TDRD1: variants seen among roughly 807,000 people sequenced by gnomAD.
The protein encoded by TDRD1 is tudor domain containing 1.
TDRD1 carries 37 observed loss-of-function variants against 140.6 expected under a neutral mutation model. The observed-to-expected ratio is 0.26, with a 90% CI of 0.20 to 0.35. The LOEUF is 0.35. Ranked by LOEUF, TDRD1 falls within the 10% of genes least tolerant of loss-of-function variation. TDRD1 has a pLI of 1.00. For missense variants in TDRD1, 1,243 were observed against 1,393.0 expected (o/e 0.89, Z 1.71); for synonymous variants, 506 against 475.7 (o/e 1.06, Z -0.83).
At chr10:114,196,833 CTTTTTTT>C (rs36124319) in intron 3 of TDRD1, among the ~76,000 whole-genome samples, 1,765 of 48,096 alleles carry the variant, frequency 0.037, 7 homozygotes, top group South Asian at 0.069. Flanking sequence ...TTCTAGCAGT[CTTTTTTT>C]TTTTTTTTTT....
chr10:114,184,639 T>C (rs1395036447), intron 1 of TDRD1, among the ~76,000 whole-genome samples: 1 of 152,240 alleles, frequency 6.6e-6, no homozygotes, highest in African/African-American at 2.4e-5. Context: ...TTGAGTCTGC[T>C]ACAGTTTCTG....
chr10:114,207,326 G>T (rs1450129942), intron 11 of TDRD1, among the ~76,000 whole-genome samples: 1 of 152,116 alleles, frequency 6.6e-6, no homozygotes, highest in Non-Finnish European at 1.5e-5. Context: ...CCCATCCTTT[G>T]CCCTAATTGG....
At chr10:114,230,231 A>C (rs1226057525) in intron 25 of TDRD1, among the ~76,000 whole-genome samples, 1 of 152,220 alleles carries the variant, frequency 6.6e-6, no homozygotes, top group Non-Finnish European at 1.5e-5. Flanking sequence ...CTTACACATA[A>C]AACTTAAAGT....
chr10:114,177,518 G>A (rs900468131), upstream of TDRD1, among the ~76,000 whole-genome samples: 3 of 152,168 alleles, frequency 2.0e-5, no homozygotes, highest in African/African-American at 7.2e-5. Context: ...AAAGGCCTGA[G>A]AGTACTCCTG....
chr10:114,221,931 A>G (rs545143705), intron 20 of TDRD1, among the ~76,000 whole-genome samples: 7 of 152,336 alleles, frequency 4.6e-5, no homozygotes, highest in Non-Finnish European at 8.8e-5. Flanking sequence ...TTGTTGTTTC[A>G]TGGAAGTTGC....
exon 2 of TDRD1, chr10:114,187,946 G>A (rs2033662602): frequency 1.2e-6 from 2 of 1,613,970 alleles, no homozygotes; most frequent in Non-Finnish European, 8.5e-7. Context: ...TCCACCACAT[G>A]AGTCTTTAAG....
intron 1 of TDRD1, 108 bp from the exon 2 acceptor site, chr10:114,187,718 T>C (rs774089520): frequency 1.8e-5 from 18 of 1,024,262 alleles, no homozygotes; most frequent in Non-Finnish European, 2.4e-5. Flanking sequence ...AATTGTTTTA[T>C]AGGCATTATC....
chr10:114,182,761 C>CT (rs2033185419), intron 1 of TDRD1, among the ~76,000 whole-genome samples: 1 of 151,688 alleles, frequency 6.6e-6, no homozygotes, highest in African/African-American at 2.4e-5. Flanking sequence ...TCTCAGCTCA[C>CT]TGCAAGCTCG....
At chr10:114,227,854 G>C in intron 23 of TDRD1, 56 bp from the exon 24 acceptor site, 1 of 1,467,760 alleles carries the variant, frequency 6.8e-7, no homozygotes, top group Non-Finnish European at 9.5e-7. Flanking sequence ...ACACTCCCAA[G>C]TTTTTCTTCT....
At chr10:114,221,867 T>G (rs778011555) in intron 20 of TDRD1, among the ~76,000 whole-genome samples, 2 of 152,232 alleles carry the variant, frequency 1.3e-5, no homozygotes, top group African/African-American at 2.4e-5. Context: ...TGTTTCACAC[T>G]AGAACGAATC....
chr10:114,202,776 T>C (rs931894814), intron 6 of TDRD1, among the ~76,000 whole-genome samples: 2 of 152,234 alleles, frequency 1.3e-5, no homozygotes, highest in African/African-American at 4.8e-5. Context: ...ACAGAAAACA[T>C]TAACAAGTGC....
chr10:114,216,214 T>C (rs1380025209), intron 16 of TDRD1, among the ~76,000 whole-genome samples: 1 of 152,150 alleles, frequency 6.6e-6, no homozygotes, highest in African/African-American at 2.4e-5. Context: ...CTTTATTTGG[T>C]TTTTGCTAGA....
intron 3 of TDRD1, among the ~76,000 whole-genome samples, chr10:114,196,394 C>A (rs895477612): frequency 1.2e-4 from 19 of 152,210 alleles, no homozygotes; most frequent in African/African-American, 4.6e-4. Context: ...ATTTCCCATT[C>A]ATTCCTGAAA....
chr10:114,187,605 AGTT>A (rs2033637128), intron 1 of TDRD1, among the ~76,000 whole-genome samples: 2 of 152,086 alleles, frequency 1.3e-5, no homozygotes, highest in Admixed American at 1.3e-4. Context: ...ATTTTTCATG[AGTT>A]GGTCTGTTGA....
At chr10:114,211,613 C>G (rs1449412014) in intron 13 of TDRD1, among the ~76,000 whole-genome samples, 1 of 152,196 alleles carries the variant, frequency 6.6e-6, no homozygotes, top group African/African-American at 2.4e-5. Flanking sequence ...TACTAATGAG[C>G]TAACTCTACT....
intron 1 of TDRD1, among the ~76,000 whole-genome samples, chr10:114,186,026 A>C (rs1446098902): frequency 2.0e-5 from 3 of 152,150 alleles, no homozygotes; most frequent in African/African-American, 7.2e-5. Flanking sequence ...GTTTTATCTA[A>C]CTAAGACTAA....
chr10:114,213,600 G>A lies in TDRD1; in HGVS notation c.2074+12G>A. ...GAAAGAAACCAGTGGTAAGTCAAAT[G>A]TTTACTGGATAATGCCTGTTCTGGA... On this transcript the variant is annotated intron_variant, in intron 15 of 25. Transcript: ENST00000251864. The A allele has an allele frequency of 1.2e-6, 2 of 1,611,732 alleles. No individual in the cohort carries two copies. Among genetic ancestry groups the A allele is most frequent in the Non-Finnish European group, 1.7e-6 (2 of 1,178,166 alleles).
upstream of TDRD1, among the ~76,000 whole-genome samples, chr10:114,175,600 C>G (rs1290247971): frequency 2.0e-5 from 3 of 152,126 alleles, no homozygotes; most frequent in African/African-American, 7.2e-5. Context: ...ACCTTGGCTT[C>G]TCTTGGAGGT....
chr10:114,228,150 T>G, intron 25 of TDRD1: 1 of 1,549,838 alleles, frequency 6.5e-7, no homozygotes, highest in Non-Finnish European at 8.7e-7. Flanking sequence ...ATCGTATGTT[T>G]TCGCCTCTTC....
Sources: gnomAD v4.1 joint callset for allele counts (sites outside exome capture counted in the v4.1 genomes callset) on GRCh38, gnomAD v4.1.1 for gene constraint, MANE v1.5 for transcripts, NCBI Gene and HGNC (gene_info 2026-07-23, HGNC 2026-07-21) for gene names.